The following KAT6B variants were observed in gnomAD, a reference collection of about 807,000 sequenced individuals.
KAT6B encodes the protein lysine acetyltransferase 6B, also known as histone acetyltransferase KAT6B.
A neutral mutation model predicts 187.5 loss-of-function variants in KAT6B; 10 were observed. The ratio of observed to expected loss-of-function variants is 0.05; its 90% CI spans 0.03 to 0.09. KAT6B has a LOEUF of 0.09. Ranked by LOEUF, KAT6B falls within the 10% of genes least tolerant of loss-of-function variation. KAT6B has a pLI of 1.00. For missense variants in KAT6B, 1,952 were observed against 2,558.9 expected (o/e 0.76, Z 5.12); for synonymous variants, 861 against 926.8 (o/e 0.93, Z 1.29).
rs200359469 is a variant in KAT6B, at chr10:74,981,937, G to C, written c.2373+9G>C. ...ACCTTTCAGTATTTGAGGTAAGCGC[G>C]TGTAAATAAAAAAATTCAGCTTTTT... On this transcript the variant is annotated intron_variant, in intron 11 of 17. Coordinates refer to ENST00000287239, the MANE Select transcript of KAT6B (RefSeq NM_012330.4). 2 of 1,613,106 alleles carry C rather than the reference G, an allele frequency of 1.2e-6. No individual in the cohort carries two copies. Among genetic ancestry groups the C allele is most frequent in the South Asian group, 1.1e-5 (1 of 91,038 alleles).
rs1319651624 is a variant in KAT6B at position 75,031,748 on chromosome 10, A to G, written c.*702A>G. On this transcript the variant is annotated 3_prime_UTR_variant, in exon 18 of 18. Transcript: ENST00000287239. Reference sequence around the variant, plus strand: ...AGACCCTTTTCCATTTTGGTGACAGATTTCTTTGGGGAAAAAAGGCAGCTT... The same window carrying G: ...AGACCCTTTTCCATTTTGGTGACAGGTTTCTTTGGGGAAAAAAGGCAGCTT... 1 of 210,792 alleles carries G rather than the reference A, an allele frequency of 4.7e-6. No homozygotes were observed. The highest frequency in any genetic ancestry group is 9.6e-6 in the Non-Finnish European group (1 of 103,770). 13.1% of individuals were successfully genotyped at this position (210,792 alleles called of 1,614,324 possible). A position where few individuals can be genotyped will look rare whatever the true frequency, so the allele number is the denominator to read the frequency against.
At chr10:74,977,068 C>T (rs969522133) in intron 8 of KAT6B, 1 of 404,530 alleles carries the variant, frequency 2.5e-6, no homozygotes. Flanking sequence ...ATTGCTCTTA[C>T]TTTCCCTCAT....
chr10:74,841,760 T>C (rs1431252251), intron 2 of KAT6B, among the ~76,000 whole-genome samples: 3 of 152,184 alleles, frequency 2.0e-5, no homozygotes, highest in African/African-American at 4.8e-5. Context: ...GATGTTATCA[T>C]TGGACACCAA....
chr10:74,988,931 G>T, intron 12 of KAT6B, 88 bp from the exon 13 acceptor site: 1 of 897,910 alleles, frequency 1.1e-6, no homozygotes, highest in South Asian at 1.3e-5. Context: ...TTCTTTAGTG[G>T]ACAGTTTTAC....
chr10:74,860,572 G>C (rs1484547037), intron 3 of KAT6B, among the ~76,000 whole-genome samples: 2 of 152,200 alleles, frequency 1.3e-5, no homozygotes, highest in African/African-American at 4.8e-5. Context: ...GTGTAGTGTA[G>C]TCACTTTATC....
At chr10:74,969,848 A>G in intron 5 of KAT6B, 73 bp downstream of exon 5, 9 of 1,150,988 alleles carry the variant, frequency 7.8e-6, no homozygotes, top group Non-Finnish European at 1.2e-5. Flanking sequence ...TCATTTTTAT[A>G]GAGTATGGCT....
At chr10:74,993,102 A>G (rs1019400334) in intron 13 of KAT6B, among the ~76,000 whole-genome samples, 3 of 152,036 alleles carry the variant, frequency 2.0e-5, no homozygotes, top group Non-Finnish European at 2.9e-5. Context: ...CTTGCCCACA[A>G]AACATTTGCA....
At chr10:74,895,444 A>G (rs958607177) in intron 3 of KAT6B, among the ~76,000 whole-genome samples, 1 of 152,028 alleles carries the variant, frequency 6.6e-6, no homozygotes, top group African/African-American at 2.4e-5. Context: ...ACAGATTTTG[A>G]TCAGGTCTTA....
chr10:75,007,778 C>CT (rs1490260790), intron 13 of KAT6B, among the ~76,000 whole-genome samples: 1 of 152,064 alleles, frequency 6.6e-6, no homozygotes, highest in East Asian at 1.9e-4. Context: ...AGGTGACATC[C>CT]TATGGTATCT....
chr10:74,974,494 ACT>A (rs1426077865), intron 7 of KAT6B, among the ~76,000 whole-genome samples: 3 of 152,112 alleles, frequency 2.0e-5, no homozygotes, highest in Admixed American at 2.0e-4. Context: ...ATTGTATAAA[ACT>A]CTGCTACAAA....
intron 3 of KAT6B, among the ~76,000 whole-genome samples, chr10:74,890,890 T>TA (rs1354539601): frequency 6.6e-6 from 1 of 152,240 alleles, no homozygotes; most frequent in Non-Finnish European, 1.5e-5. Context: ...TTTTGGCATA[T>TA]AAATGGTTGA....
chr10:75,003,372 G>A (rs935156652), intron 13 of KAT6B, among the ~76,000 whole-genome samples: 7 of 152,182 alleles, frequency 4.6e-5, no homozygotes, highest in African/African-American at 1.7e-4. Context: ...AGCCTTCCCA[G>A]CAGCTACGCT....
chr10:74,875,816 A>G (rs1392766555), intron 3 of KAT6B, among the ~76,000 whole-genome samples: 1 of 152,112 alleles, frequency 6.6e-6, no homozygotes, highest in Admixed American at 6.5e-5. Flanking sequence ...ATCACATATC[A>G]TCCTTCTTTC....
intron 6 of KAT6B, among the ~76,000 whole-genome samples, chr10:74,970,608 C>G (rs1192404011): frequency 6.6e-6 from 1 of 152,088 alleles, no homozygotes; most frequent in African/African-American, 2.4e-5. Context: ...GGATTTTCTT[C>G]TGTTTATTGT....
At chr10:75,020,010 G>A (rs1480766487) in intron 13 of KAT6B, among the ~76,000 whole-genome samples, 2 of 152,214 alleles carry the variant, frequency 1.3e-5, no homozygotes, top group African/African-American at 4.8e-5. Context: ...AGTTGCAGCA[G>A]TTGACTTGAA....
At chr10:74,829,583 G>A (rs912095783) in intron 1 of KAT6B, among the ~76,000 whole-genome samples, 3 of 151,892 alleles carry the variant, frequency 2.0e-5, no homozygotes, top group Admixed American at 1.3e-4. Context: ...TTCCCGGGTA[G>A]CTAGGATTAC....
intron 14 of KAT6B, 132 bp from the exon 15 acceptor site, chr10:75,020,994 G>A (rs1350102302): frequency 4.0e-6 from 4 of 1,007,072 alleles, no homozygotes; most frequent in Non-Finnish European, 6.3e-6. Flanking sequence ...CCAGTGTTCT[G>A]TACCCTCTCA....
intron 3 of KAT6B, among the ~76,000 whole-genome samples, chr10:74,915,062 T>G (rs1285187113): frequency 1.3e-5 from 2 of 152,218 alleles, no homozygotes; most frequent in Admixed American, 6.5e-5. Context: ...ATTGAGCCAC[T>G]GCACTTTAGC....
chr10:75,000,498 T>TC (rs1237359075), intron 13 of KAT6B, among the ~76,000 whole-genome samples: 1 of 152,156 alleles, frequency 6.6e-6, no homozygotes, highest in African/African-American at 2.4e-5. Context: ...TTCTTTTTTA[T>TC]CGGGGGCAGA....
Sources: gnomAD v4.1 joint callset for allele counts (sites outside exome capture counted in the v4.1 genomes callset) on GRCh38, gnomAD v4.1.1 for gene constraint, MANE v1.5 for transcripts, NCBI Gene and HGNC (gene_info 2026-07-23, HGNC 2026-07-21) for gene names.